The following C10orf88 variants were observed in gnomAD, a reference collection of about 807,000 sequenced individuals.
The protein encoded by C10orf88 is chromosome 10 open reading frame 88.
Under a neutral mutation model 34.2 loss-of-function variants are expected in C10orf88, and 29 were observed. The ratio of observed to expected loss-of-function variants is 0.85; its 90% CI spans 0.63 to 1.16. The LOEUF (loss-of-function observed/expected upper bound fraction) is 1.16. C10orf88 is among the 50% of genes most tolerant of loss of function. C10orf88 has a pLI of 0.00. For missense variants in C10orf88, 507 were observed against 533.2 expected, an observed-to-expected ratio of 0.95 and a Z score of 0.48; for synonymous variants, 194 against 197.4, an observed-to-expected ratio of 0.98 and a Z score of 0.15.
intron 4 of C10orf88, among the ~76,000 whole-genome samples, chr10:122,945,023 T>G (rs1449206395): frequency 6.6e-6 from 1 of 150,556 alleles, no homozygotes; most frequent in Non-Finnish European, 1.5e-5. Context: ...TATATAGATA[T>G]ATGCGTGTAT....
At position 122,952,030 on chromosome 10, in the gene C10orf88, A is replaced by C; in HGVS notation, c.369-4T>G. ...CAAAATGATCTTTTCATGTTCACTA[A>C]AAATAAAAAAGAATTAATTTTTTTT... On this transcript the variant is annotated splice_polypyrimidine_tract_variant and splice_region_variant and intron_variant, in intron 2 of 5. Coordinates refer to ENST00000481909, the MANE Select transcript of C10orf88 (RefSeq NM_024942.4). 2.2e-6 allele frequency: 3 copies of C among 1,386,608 alleles called. No homozygotes were observed. Among genetic ancestry groups the C allele is most frequent in the Non-Finnish European group, 3.0e-6 (3 of 997,324 alleles). The allele number at this position is 1,386,608 out of a possible 1,614,324, so 85.9% of individuals were successfully genotyped here.
intron 5 of C10orf88, 93 bp downstream of exon 5, chr10:122,937,612 T>G (rs1848544871): frequency 8.7e-7 from 1 of 1,148,778 alleles, no homozygotes; most frequent in Admixed American, 2.4e-5. Context: ...GGAAACAAAT[T>G]TTAGGCAGTA....
intron 5 of C10orf88, among the ~76,000 whole-genome samples, chr10:122,934,739 T>C (rs1355881301): frequency 6.6e-6 from 1 of 152,144 alleles, no homozygotes; most frequent in East Asian, 1.9e-4. Context: ...TGCCAAAATA[T>C]TTTTTAGAGT....
At chr10:122,935,366 C>G (rs1848525193) in intron 5 of C10orf88, among the ~76,000 whole-genome samples, 4 of 151,682 alleles carry the variant, frequency 2.6e-5, no homozygotes, top group Admixed American at 2.0e-4. Context: ...CATTTTTTGC[C>G]TGTGGATATC....
intron 3 of C10orf88, 119 bp from the exon 4 acceptor site, chr10:122,948,974 AG>A: frequency 1.1e-6 from 1 of 918,480 alleles, no homozygotes; most frequent in Middle Eastern, 2.9e-4. Flanking sequence ...ATTAACTTCA[AG>A]TATATTTTAA....
intron 3 of C10orf88, among the ~76,000 whole-genome samples, chr10:122,949,057 A>G (rs1848666452): frequency 6.6e-6 from 1 of 152,210 alleles, no homozygotes; most frequent in African/African-American, 2.4e-5. Flanking sequence ...CTATTTAAAT[A>G]AGAGTCCTTT....
At chr10:122,953,086 C>T in intron 1 of C10orf88, 54 bp from the exon 2 acceptor site, 1 of 1,425,158 alleles carries the variant, frequency 7.0e-7, no homozygotes, top group Non-Finnish European at 9.8e-7. Flanking sequence ...GAACATGACT[C>T]TTCTTTTTTG....
intron 3 of C10orf88, among the ~76,000 whole-genome samples, chr10:122,949,170 G>C (rs557188176): frequency 1.3e-5 from 2 of 152,192 alleles, no homozygotes; most frequent in East Asian, 3.9e-4. Flanking sequence ...CTTTATCTGT[G>C]GAGAATGTGT....
intron 4 of C10orf88, among the ~76,000 whole-genome samples, chr10:122,946,285 C>T (rs1848638956): frequency 6.6e-6 from 1 of 152,128 alleles, no homozygotes; most frequent in Non-Finnish European, 1.5e-5. Context: ...CCTGCAAGTT[C>T]AGTTCATGGT....
rs751401747 is a variant in C10orf88 at position 122,953,077 on chromosome 10, A to G, written c.165-45T>C. ...AAACATCACACAGTATAGTTCTCTG[A>G]ACATGACTCTTCTTTTTTGAGACGG... On this transcript the variant is annotated intron_variant, in intron 1 of 5. Coordinates refer to ENST00000481909, the MANE Select transcript of C10orf88 (RefSeq NM_024942.4). 6.2e-6 allele frequency: 9 copies of G among 1,454,826 alleles called. No homozygotes were observed. The South Asian group carries it at 9.4e-5, about 15-fold the overall frequency. The allele number at this position is 1,454,826 out of a possible 1,614,324, so 90.1% of individuals were successfully genotyped here. A position where few individuals can be genotyped will look rare whatever the true frequency, so the allele number is the denominator to read the frequency against.
chr10:122,938,994 C>T (rs764090472), intron 4 of C10orf88, among the ~76,000 whole-genome samples: 3 of 152,008 alleles, frequency 2.0e-5, no homozygotes, highest in Non-Finnish European at 4.4e-5. Context: ...CAGGGGTTAT[C>T]ATCCCACACT....
chr10:122,948,774 T>C lies in C10orf88; in HGVS notation c.523A>G (p.Thr175Ala), dbSNP rs1182026221. 19 of 1,613,858 alleles carry C rather than the reference T, an allele frequency of 1.2e-5. No homozygotes were observed. The highest frequency in any genetic ancestry group is 1.4e-5 in the Non-Finnish European group (17 of 1,179,900). ...HMRSVFANSS[T>A]SSPALGSRID... The stretch of plus-strand genomic sequence containing the variant: ...CTTGATCCTAGAGCAGGAGAGCTTG[T>C]TGAAGAATTTGCAAAAACTGATCTC... The change falls in exon 4 of 6, where the codon ACA (threonine) becomes GCA (alanine). Residue 175 changes from threonine to alanine, a missense_variant. Transcript: ENST00000481909.
rs534655134 is a variant in C10orf88, at chr10:122,932,212, G to A, written c.*215C>T. 9 of 410,944 alleles carry A rather than the reference G, an allele frequency of 2.2e-5. No individual in the cohort carries two copies. The highest frequency in any genetic ancestry group is 7.0e-5 in the South Asian group (1 of 14,262). The allele number at this position is 410,944 out of a possible 1,614,324, so 25.5% of individuals were successfully genotyped here. A position where few individuals can be genotyped will look rare whatever the true frequency, so the allele number is the denominator to read the frequency against. ...CATTTCTGTAAGACTGAAAAATATCGTGAGCAAAAATAATTTGACTGTATC... is the reference window on the plus strand; with the variant it reads ...CATTTCTGTAAGACTGAAAAATATCATGAGCAAAAATAATTTGACTGTATC... On this transcript the variant is annotated 3_prime_UTR_variant, in exon 6 of 6. Transcript: ENST00000481909.
Position 122,954,170 on chromosome 10 carries a change from C to T in C10orf88, c.9G>A (p.Thr3=), listed in dbSNP as rs761904172. 4 of 1,568,288 alleles carry T rather than the reference C, an allele frequency of 2.6e-6. No homozygotes were observed. Among genetic ancestry groups the T allele is most frequent in the Admixed American group, 3.6e-5 (2 of 55,114 alleles). ME[T]RTEDGGLTRR... ...GGGTGAGGCCCCCGTCCTCGGTCCG[C>T]GTCTCCATTCCGCCGCCTTCAGTCA... The change falls in exon 1 of 6, where the codon ACG becomes ACA. Residue 3 remains threonine, a synonymous_variant. Coordinates refer to ENST00000481909, the MANE Select transcript of C10orf88 (RefSeq NM_024942.4).
At position 122,948,771 on chromosome 10, in the gene C10orf88, T is replaced by C. The variant is rs1420540199; in HGVS notation, c.526A>G (p.Ser176Gly). The C allele has an allele frequency of 2.5e-6, 4 of 1,613,860 alleles. No homozygotes were observed. Among genetic ancestry groups the C allele is most frequent in the Non-Finnish European group, 3.4e-6 (4 of 1,179,908 alleles). Residue 176 changes from serine to glycine, a missense_variant, in exon 4 of 6, where the codon AGC (serine) becomes GGC (glycine). Ser to Gly is a moderately conservative substitution (Grantham distance 56). Coordinates refer to ENST00000481909, the MANE Select transcript of C10orf88 (RefSeq NM_024942.4). ...MRSVFANSST[S>G]SPALGSRIDL... ...ATCCTTGATCCTAGAGCAGGAGAGC[T>C]TGTTGAAGAATTTGCAAAAACTGAT...
At position 122,932,767 on chromosome 10, in the gene C10orf88, T is replaced by G. The variant is rs141748424; in HGVS notation, c.1104-106A>C. 322 of 764,772 alleles carry G rather than the reference T, an allele frequency of 4.2e-4. 1 individual carries two copies. The African/African-American group carries it at 4.4e-3, about 11-fold the overall frequency. The allele number at this position is 764,772 out of a possible 1,614,324, so 47.4% of individuals were successfully genotyped here. ...TATTGCTGAGATTTGTCTCCACAAC[T>G]GTGCTCTGTCTTCTTACAATGCATT... On this transcript the variant is annotated intron_variant, in intron 5 of 5. Transcript: ENST00000481909.
chr10:122,932,751 G>T, intron 5 of C10orf88, 90 bp from the exon 6 acceptor site: 1 of 870,340 alleles, frequency 1.1e-6, no homozygotes, highest in Non-Finnish European at 1.7e-6. Context: ...ATATTGCTGA[G>T]ATTTGTCTCC....
chr10:122,936,957 G>A (rs1450046164), intron 5 of C10orf88, among the ~76,000 whole-genome samples: 1 of 151,824 alleles, frequency 6.6e-6, no homozygotes, highest in Non-Finnish European at 1.5e-5. Context: ...GCTATTGTTG[G>A]TAGAGTTCTC....
intron 3 of C10orf88, among the ~76,000 whole-genome samples, chr10:122,950,947 G>A (rs939326427): frequency 6.6e-6 from 1 of 152,044 alleles, no homozygotes. Flanking sequence ...TCTTCTATAA[G>A]TAATGATAAT....
Sources: allele counts gnomAD v4.1 joint callset (sites outside exome capture counted in the v4.1 genomes callset), GRCh38; gene constraint gnomAD v4.1.1; transcripts MANE v1.5; gene names NCBI Gene and HGNC (gene_info 2026-07-23, HGNC 2026-07-21).